ACSBG1: variants seen among roughly 807,000 people sequenced by gnomAD.
ACSBG1 encodes long-chain-fatty-acid--CoA ligase ACSBG1.
In ACSBG1, 39 loss-of-function variants were observed where a neutral mutation model predicts 80.2. The ratio of observed to expected loss-of-function variants is 0.49; its 90% CI spans 0.38 to 0.64. ACSBG1 has a LOEUF of 0.64. Among genes scored for constraint, ACSBG1 ranks in the 30% least tolerant of loss-of-function variants. The pLI, the probability that ACSBG1 is intolerant of heterozygous loss-of-function variation, is 0.00. For missense variants in ACSBG1, 828 were observed against 966.4 expected, an observed-to-expected ratio of 0.86 and a Z score of 1.90; for synonymous variants, 392 against 379.5, an observed-to-expected ratio of 1.03 and a Z score of -0.38.
At chr15:78,207,002 A>T (rs2141366153) in intron 2 of ACSBG1, among the ~76,000 whole-genome samples, 1 of 152,302 alleles carries the variant, frequency 6.6e-6, no homozygotes, top group South Asian at 2.1e-4. Context: ...CTCTTTGAGC[A>T]CCCCAGAGAA....
chr15:78,179,720 C>T lies in ACSBG1; in HGVS notation c.1314G>A (p.Gln438=), dbSNP rs780209415. 1.2e-6 allele frequency: 2 copies of T among 1,613,960 alleles called. No homozygotes were observed. Among genetic ancestry groups the T allele is most frequent in the African/African-American group, 1.3e-5 (1 of 74,912 alleles). The change falls in exon 10 of 14, where the codon CAG becomes CAA. Residue 438 remains glutamine (Q), a synonymous_variant. Transcript: ENST00000258873. ...TTTGACACTTGGCAAATCCCAGTGC[C>T]TGGCGAACCTTGGCTAGCACCAGGT... is the stretch of plus-strand genomic sequence containing the variant. ...ADYLVLAKVR[Q]ALGFAKCQKN...
intron 1 of ACSBG1, chr15:78,213,942 C>T (rs1362622852): frequency 6.6e-6 from 1 of 152,302 alleles, no homozygotes. Context: ...CAGTGTTGCC[C>T]AGGCAGCAAA....
chr15:78,213,273 C>T (rs1009486629), intron 1 of ACSBG1, among the ~76,000 whole-genome samples: 9 of 151,928 alleles, frequency 5.9e-5, no homozygotes, highest in African/African-American at 2.2e-4. Flanking sequence ...CGTGGCGGAC[C>T]CCACGCCCCC....
At chr15:78,201,167 T>C (rs1022855051) in intron 2 of ACSBG1, among the ~76,000 whole-genome samples, 2 of 152,218 alleles carry the variant, frequency 1.3e-5, no homozygotes, top group African/African-American at 4.8e-5. Context: ...CCTGGAGCTC[T>C]GGAAGTCAGA....
chr15:78,187,462 A>G (rs1169093177), intron 5 of ACSBG1, among the ~76,000 whole-genome samples: 18 of 152,208 alleles, frequency 1.2e-4, no homozygotes, highest in Non-Finnish European at 1.9e-4. Flanking sequence ...AGCACATCAA[A>G]AAGCTTATCC....
At chr15:78,186,432 C>G (rs1247638109) in intron 5 of ACSBG1, among the ~76,000 whole-genome samples, 2 of 152,160 alleles carry the variant, frequency 1.3e-5, no homozygotes, top group Non-Finnish European at 2.9e-5. Context: ...AAGTAAAGCT[C>G]TCCTCAGCAA....
chr15:78,219,557 T>C (rs543353810), intron 1 of ACSBG1, among the ~76,000 whole-genome samples: 3 of 152,206 alleles, frequency 2.0e-5, no homozygotes, highest in African/African-American at 7.2e-5. Flanking sequence ...AGATATCTCA[T>C]GATCGAGAGA....
At chr15:78,200,495 T>C (rs1049260502) in intron 2 of ACSBG1, among the ~76,000 whole-genome samples, 4 of 152,158 alleles carry the variant, frequency 2.6e-5, no homozygotes, top group Non-Finnish European at 5.9e-5. Flanking sequence ...GCTTACTGCT[T>C]ACTGAGCCCC....
chr15:78,169,956 C>T lies in ACSBG1; in HGVS notation c.*1488G>A, dbSNP rs1056142958. 5.3e-5 allele frequency: 8 copies of T among 152,254 alleles called. No homozygotes were observed. The highest frequency in any genetic ancestry group is 2.6e-4 in the Admixed American group (4 of 15,286). The allele number at this position is 152,254 out of a possible 1,614,324, so 9.4% of individuals were successfully genotyped here. A position where few individuals can be genotyped will look rare whatever the true frequency, so the allele number is the denominator to read the frequency against. ...ATGTATTTTGGCTGCAATTGAGGAA[C>T]TTGGGATGCTATTAATTTTGTATTT... On this transcript the variant is annotated 3_prime_UTR_variant, in exon 14 of 14. Coordinates refer to ENST00000258873, the MANE Select transcript of ACSBG1 (RefSeq NM_015162.5).
At chr15:78,203,799 G>A (rs2075189610) in intron 2 of ACSBG1, among the ~76,000 whole-genome samples, 1 of 152,234 alleles carries the variant, frequency 6.6e-6, no homozygotes, top group African/African-American at 2.4e-5. Flanking sequence ...AACTGGTGTT[G>A]AGGAAGAGGT....
chr15:78,181,155 G>A, intron 8 of ACSBG1: 1 of 582,644 alleles, frequency 1.7e-6, no homozygotes, highest in Non-Finnish European at 3.0e-6. Flanking sequence ...AGCCAGTGCT[G>A]ACCTCAGTCT....
chr15:78,216,414 G>A (rs566542464), intron 1 of ACSBG1, among the ~76,000 whole-genome samples: 185 of 152,266 alleles, frequency 1.2e-3, no homozygotes, highest in Non-Finnish European at 2.2e-3. Flanking sequence ...TATTTCATGC[G>A]AGACAGCATG....
chr15:78,199,314 A>G (rs1356879849), intron 2 of ACSBG1, among the ~76,000 whole-genome samples: 1 of 151,186 alleles, frequency 6.6e-6, no homozygotes, highest in Non-Finnish European at 1.5e-5. Context: ...CGAACTCCTG[A>G]GTTCAAACGA....
At chr15:78,233,381 C>T (rs1328513610) in intron 1 of ACSBG1, among the ~76,000 whole-genome samples, 1 of 152,172 alleles carries the variant, frequency 6.6e-6, no homozygotes, top group Non-Finnish European at 1.5e-5. Flanking sequence ...CATAACCTTC[C>T]ATCAGGACAG....
intron 1 of ACSBG1, among the ~76,000 whole-genome samples, chr15:78,211,449 G>C (rs150549739): frequency 9.2e-4 from 140 of 152,306 alleles, no homozygotes; most frequent in Middle Eastern, 3.4e-3. Flanking sequence ...GAATTCCCAG[G>C]AGGAAGAAGA....
chr15:78,225,389 G>A (rs2075391012), intron 1 of ACSBG1, among the ~76,000 whole-genome samples: 1 of 139,042 alleles, frequency 7.2e-6, no homozygotes, highest in Non-Finnish European at 1.5e-5. Context: ...CAACAAGAGT[G>A]AAACTCTGTC....
chr15:78,185,006 G>C (rs2074984475), intron 5 of ACSBG1, among the ~76,000 whole-genome samples: 2 of 148,610 alleles, frequency 1.3e-5, no homozygotes, highest in Non-Finnish European at 1.5e-5. Flanking sequence ...GAGACAGACA[G>C]AGGGAGAGAG....
chr15:78,201,345 C>T (rs1043975639), intron 2 of ACSBG1, among the ~76,000 whole-genome samples: 8 of 152,222 alleles, frequency 5.3e-5, no homozygotes, highest in African/African-American at 1.7e-4. Flanking sequence ...ATCTCTCCCC[C>T]ACCTCACCCT....
At chr15:78,231,151 A>G (rs1489069950) in intron 1 of ACSBG1, among the ~76,000 whole-genome samples, 3 of 151,660 alleles carry the variant, frequency 2.0e-5, no homozygotes, top group Non-Finnish European at 4.4e-5. Flanking sequence ...ACGGAGTTTT[A>G]TTCTTGTTGC....
Sources: gnomAD v4.1 joint callset for allele counts (sites outside exome capture counted in the v4.1 genomes callset) on GRCh38, gnomAD v4.1.1 for gene constraint, MANE v1.5 for transcripts, NCBI Gene and HGNC (gene_info 2026-07-23, HGNC 2026-07-21) for gene names.